The following HERC1 variants were observed in gnomAD, a reference collection of about 807,000 sequenced individuals.
The protein encoded by HERC1 is probable E3 ubiquitin-protein ligase HERC1.
Under a neutral mutation model 554.3 loss-of-function variants are expected in HERC1, and 160 were observed. That is an observed-to-expected ratio of 0.29 (90% CI 0.25 to 0.33). HERC1 has a LOEUF of 0.33. Ranked by LOEUF, HERC1 falls within the 10% of genes least tolerant of loss-of-function variation. The pLI is 1.00. For synonymous variants in HERC1, 2,175 were observed against 2,131.7 expected (o/e 1.02, Z -0.56); for missense variants, 4,919 against 5,918.5 (o/e 0.83, Z 5.54).
At chr15:63,709,847 A>G (rs984080835) in intron 24 of HERC1, among the ~76,000 whole-genome samples, 9 of 152,244 alleles carry the variant, frequency 5.9e-5, no homozygotes, top group Non-Finnish European at 1.3e-4. Flanking sequence ...AACATAAGAC[A>G]AACGGTAAAT....
In HERC1 at chr15:63,608,860, C is replaced by T. The variant is rs1390401493; in HGVS notation, c.*221G>A. ...GTGACCAAAAATATGGAGGGAAAAA[C>T]CTGACTGAGAGCACTTCGTTTTTGT... is the stretch of plus-strand genomic sequence containing the variant. On this transcript the variant is annotated 3_prime_UTR_variant, in exon 78 of 78. Coordinates refer to ENST00000443617, the MANE Select transcript of HERC1 (RefSeq NM_003922.4). 2.5e-6 allele frequency: 1 copy of T among 403,532 alleles called. No homozygotes were observed. Among genetic ancestry groups the T allele is most frequent in the African/African-American group, 2.1e-5 (1 of 48,534 alleles). The allele number at this position is 403,532 out of a possible 1,614,324, so 25.0% of individuals were successfully genotyped here. A position where few individuals can be genotyped will look rare whatever the true frequency, so the allele number is the denominator to read the frequency against.
At chr15:63,632,681 C>T in intron 68 of HERC1, 28 bp downstream of exon 68, 1 of 1,396,778 alleles carries the variant, frequency 7.2e-7, no homozygotes. Flanking sequence ...GATGTGTACC[C>T]AAGCAAATAA....
chr15:63,670,320 C>A (rs1198876346), intron 39 of HERC1, among the ~76,000 whole-genome samples: 1 of 152,128 alleles, frequency 6.6e-6, no homozygotes, highest in Non-Finnish European at 1.5e-5. Flanking sequence ...GAGGGAGAAC[C>A]CCTCTTCAGT....
chr15:63,619,044 T>G (rs931156466), intron 74 of HERC1, among the ~76,000 whole-genome samples: 10 of 151,152 alleles, frequency 6.6e-5, no homozygotes, highest in African/African-American at 2.5e-4. Flanking sequence ...TGAATAGGAG[T>G]GGTGAGAGAG....
chr15:63,656,848 T>C (rs1057091282), intron 48 of HERC1, among the ~76,000 whole-genome samples: 2 of 152,204 alleles, frequency 1.3e-5, no homozygotes, highest in Admixed American at 1.3e-4. Context: ...TTCAATATTA[T>C]GTTTGTAAGA....
intron 53 of HERC1, among the ~76,000 whole-genome samples, chr15:63,650,487 G>A (rs1292964301): frequency 2.0e-5 from 3 of 151,224 alleles, no homozygotes; most frequent in East Asian, 3.9e-4. Flanking sequence ...GCATGATCAT[G>A]GCTCACTGAA....
At chr15:63,765,683 C>A (rs2075753192) in intron 2 of HERC1, among the ~76,000 whole-genome samples, 1 of 152,028 alleles carries the variant, frequency 6.6e-6, no homozygotes, top group African/African-American at 2.4e-5. Context: ...GGAAGCCCCC[C>A]ACCTCGAGTT....
In HERC1 at chr15:63,694,644, C is replaced by G. The variant is rs2072299378; in HGVS notation, c.5243-95G>C. The G allele has an allele frequency of 7.0e-7, 1 of 1,430,348 alleles. No individual in the cohort carries two copies. Among genetic ancestry groups the G allele is most frequent in the African/African-American group, 1.4e-5 (1 of 69,406 alleles). 88.6% of individuals were successfully genotyped at this position (1,430,348 alleles called of 1,614,324 possible). A position where few individuals can be genotyped will look rare whatever the true frequency, so the allele number is the denominator to read the frequency against. On this transcript the variant is annotated intron_variant, in intron 28 of 77. Transcript: ENST00000443617. This position sits in a 1 kb window ranked among gnomAD's most constrained non-coding sequence, Gnocchi z 4.3. ...TCTAAAATATTAATAACATGAAACA[C>G]TAAATTATTTATTCTTTACCTATAA... is the stretch of plus-strand genomic sequence containing the variant.
chr15:63,777,852 A>G (rs181827714), intron 1 of HERC1, among the ~76,000 whole-genome samples: 42 of 152,270 alleles, frequency 2.8e-4, no homozygotes, highest in Admixed American at 2.4e-3. Context: ...TAAAAACCTG[A>G]GTCTTTAGTC....
chr15:63,639,320 T>C (rs2068927804), intron 61 of HERC1, among the ~76,000 whole-genome samples: 1 of 152,250 alleles, frequency 6.6e-6, no homozygotes, highest in African/African-American at 2.4e-5. Flanking sequence ...TACTTATCAC[T>C]GTTACAAATG....
At chr15:63,669,839 C>T (rs960923297) in intron 39 of HERC1, 141 bp from the exon 40 acceptor site, 12 of 642,718 alleles carry the variant, frequency 1.9e-5, no homozygotes, top group South Asian at 4.5e-5. Flanking sequence ...GAGAAAGACT[C>T]CTTAGTTTTA....
At position 63,810,709 on chromosome 15, in the gene HERC1, T is replaced by A. The variant is rs575060355; in HGVS notation, c.-27+23118A>T. Among the ~76,000 whole-genome samples, 10 of 152,298 alleles carry A rather than the reference T, an allele frequency of 6.6e-5. No individual in the cohort carries two copies. In the South Asian group the frequency reaches 1.2e-3, roughly 19 times the overall value. ...GGGAAAGCGTTGTAGGAGAGACAAC[T>A]TTCACGTGATCTCAAAATACCACCA... On this transcript the variant is annotated intron_variant, in intron 1 of 77. Transcript: ENST00000443617.
intron 14 of HERC1, among the ~76,000 whole-genome samples, chr15:63,730,600 A>G (rs528541571): frequency 1.3e-5 from 2 of 152,362 alleles, no homozygotes; most frequent in East Asian, 1.9e-4. Flanking sequence ...GTAAATGTAG[A>G]CTATATATTA....
At position 63,744,164 on chromosome 15, in the gene HERC1, G is replaced by GTGTGTGTGTC; in HGVS notation, c.2520+2753_2520+2754insGACACACACA. Among the ~76,000 whole-genome samples, 389 of 46,056 alleles carry GTGTGTGTGTC rather than the reference G, an allele frequency of 8.4e-3. 6 individuals are homozygous for GTGTGTGTGTC. Among genetic ancestry groups the GTGTGTGTGTC allele is most frequent in the East Asian group, 0.04 (80 of 2,008 alleles). 30.2% of individuals were successfully genotyped at this position (46,056 alleles called of 152,430 possible). A position where few individuals can be genotyped will look rare whatever the true frequency, so the allele number is the denominator to read the frequency against. On this transcript the variant is annotated intron_variant, in intron 12 of 77. Transcript: ENST00000443617. ...TGTGTGTGTGTGTGTGTGTGTGTGT[G>GTGTGTGTGTC]TCTCTCTCTCTCTCTCTCTCTCTCT...
intron 16 of HERC1, among the ~76,000 whole-genome samples, 178 bp downstream of exon 16, chr15:63,729,058 T>C (rs973750352): frequency 6.6e-6 from 1 of 152,118 alleles, no homozygotes; most frequent in African/African-American, 2.4e-5. Flanking sequence ...AAGTAGACTC[T>C]TTCTAAGACC....
At chr15:63,684,805 C>T (rs2153014392) in intron 34 of HERC1, among the ~76,000 whole-genome samples, 1 of 152,218 alleles carries the variant, frequency 6.6e-6, no homozygotes, top group South Asian at 2.1e-4. Context: ...GTCAGGAGTT[C>T]CAGATCAGCC....
At position 63,694,155 on chromosome 15, in the gene HERC1, G is replaced by A; in HGVS notation, c.5483C>T (p.Thr1828Ile). The change falls in exon 30 of 78, where the codon ACC becomes ATC. Residue 1828 changes from threonine (T) to isoleucine (I), a missense_variant and splice_region_variant. By Grantham distance (89) the Thr-to-Ile change is moderately conservative (BLOSUM62 -1). This residue lies in a region of HERC1 where 1,121 missense variants were observed against 1,244.0 expected (regional missense o/e 0.90). Transcript: ENST00000443617. The surrounding 1 kb of genome is among the most constrained non-coding windows in gnomAD (Gnocchi z 4.3). ...LLQILAITTG[T>I]YADKLSPKVV... ...TTTGGGACTCAGTTTATCAGCATAG[G>A]TCCTATGTGAAATAAAAGAAAAAAA... The A allele has an allele frequency of 6.3e-7, 1 of 1,595,550 alleles. No homozygotes were observed. The highest frequency in any genetic ancestry group is 8.5e-7 in the Non-Finnish European group (1 of 1,171,818).
At position 63,666,411 on chromosome 15, in the gene HERC1, G is replaced by C. The variant is rs368771386; in HGVS notation, c.8268C>G (p.Pro2756=). 3.3e-5 allele frequency: 53 copies of C among 1,613,608 alleles called. No individual in the cohort carries two copies. In the African/African-American group the frequency reaches 6.1e-4, roughly 19 times the overall value. Residue 2756 remains proline, a synonymous_variant, in exon 41 of 78, where the codon CCC becomes CCG. Transcript: ENST00000443617. The part of the protein sequence containing the change: ...TSPPPPAIAV[P]LLEMGFSLRQ... The stretch of plus-strand genomic sequence containing the variant: ...GAAGAGAGAACCCCATTTCCAGCAA[G>C]GGAACTGCAATTGCTGGAGGAGGAG...
In HERC1 at chr15:63,718,500, T is replaced by G. The variant is rs1190790034; in HGVS notation, c.3978+74A>C. On this transcript the variant is annotated intron_variant, in intron 21 of 77. Transcript: ENST00000443617. The surrounding 1 kb of genome is among the most constrained non-coding windows in gnomAD (Gnocchi z 4.2). ...GCAATAACCAAGGCACATTTTTTTC[T>G]CACATAAACCAATTTAGAGCTAGCT... 4 of 1,436,910 alleles carry G rather than the reference T, an allele frequency of 2.8e-6. No individual in the cohort carries two copies. 89.0% of individuals were successfully genotyped at this position (1,436,910 alleles called of 1,614,324 possible). A position where few individuals can be genotyped will look rare whatever the true frequency, so the allele number is the denominator to read the frequency against.
Sources: gnomAD v4.1 joint callset for allele counts (sites outside exome capture counted in the v4.1 genomes callset) on GRCh38, gnomAD v4.1.1 for gene constraint, gnomAD v4.1.1 regional missense constraint, Gnocchi (gnomAD v3.1) non-coding constraint, MANE v1.5 for transcripts, NCBI Gene and HGNC (gene_info 2026-07-23, HGNC 2026-07-21) for gene names.